DLGAP2: variants seen among roughly 807,000 people sequenced by gnomAD.
The protein encoded by DLGAP2 is DLG associated protein 2.
DLGAP2 carries 26 observed loss-of-function variants against 100.3 expected under a neutral mutation model. The observed-to-expected ratio is 0.26, with a 90% confidence interval of 0.19 to 0.36. DLGAP2 has a LOEUF of 0.36. Among genes scored for constraint, DLGAP2 ranks in the 10% least tolerant of loss-of-function variants. DLGAP2 has a pLI of 1.00. For missense variants in DLGAP2, 1,858 were observed against 1,453.2 expected (o/e 1.28, Z -4.53); for synonymous variants, 886 against 630.1 (o/e 1.41, Z -6.08).
intron 4 of DLGAP2, among the ~76,000 whole-genome samples, chr8:1,514,515 G>A (rs759192224): frequency 3.3e-5 from 5 of 152,230 alleles, no homozygotes; most frequent in Non-Finnish European, 5.9e-5. Flanking sequence ...TATGAATAGC[G>A]TTAATATTTC....
At chr8:1,360,368 T>C (rs1293512691) in intron 3 of DLGAP2, among the ~76,000 whole-genome samples, 2 of 151,964 alleles carry the variant, frequency 1.3e-5, no homozygotes, top group East Asian at 3.9e-4. Context: ...AGGGTGCAGC[T>C]AGAGGCTTTG....
intron 1 of DLGAP2, among the ~76,000 whole-genome samples, chr8:774,575 A>T (rs1388789758): frequency 6.7e-6 from 1 of 149,566 alleles, no homozygotes; most frequent in East Asian, 2.0e-4. Context: ...ATGGCTAGCC[A>T]GTTTTCCCAG....
At chr8:822,174 C>G in intron 1 of DLGAP2, 1 of 399,610 alleles carries the variant, frequency 2.5e-6, no homozygotes, top group Non-Finnish European at 4.4e-6. Flanking sequence ...CCCAGCCCAG[C>G]CACAATGGGG....
intron 2 of DLGAP2, among the ~76,000 whole-genome samples, chr8:941,563 C>G (rs1201421750): frequency 6.6e-6 from 1 of 152,196 alleles, no homozygotes; most frequent in Non-Finnish European, 1.5e-5. Flanking sequence ...GCTCCCCTTT[C>G]TCCACAGGCG....
At chr8:1,329,062 TGCGACAG>T (rs1011260135) in intron 3 of DLGAP2, among the ~76,000 whole-genome samples, 19 of 152,012 alleles carry the variant, frequency 1.2e-4, no homozygotes, top group Non-Finnish European at 2.2e-4. Flanking sequence ...TTGGCTAAAC[TGCGACAG>T]GCGACAGGTG....
intron 1 of DLGAP2, among the ~76,000 whole-genome samples, chr8:864,011 C>T (rs1797443729): frequency 6.6e-6 from 1 of 152,194 alleles, no homozygotes; most frequent in Admixed American, 6.5e-5. Context: ...GGATATGACT[C>T]AGCCATCAAA....
chr8:1,632,032 A>G (rs1016180848), intron 7 of DLGAP2, among the ~76,000 whole-genome samples: 2 of 151,814 alleles, frequency 1.3e-5, no homozygotes, highest in Non-Finnish European at 2.9e-5. Flanking sequence ...ACACATCCCC[A>G]GGAGAAACAA....
intron 4 of DLGAP2, among the ~76,000 whole-genome samples, chr8:1,504,145 C>T (rs1432084451): frequency 2.0e-5 from 3 of 151,256 alleles, no homozygotes; most frequent in African/African-American, 7.4e-5. Flanking sequence ...CAGGCCCCAC[C>T]TGATGTATTT....
chr8:1,623,120 A>G (rs1797390481), intron 6 of DLGAP2, among the ~76,000 whole-genome samples: 1 of 152,154 alleles, frequency 6.6e-6, no homozygotes, highest in Non-Finnish European at 1.5e-5. Flanking sequence ...TTTATTTGTT[A>G]TTTTTTAACT....
At chr8:1,700,658 C>A (rs909923931) in intron 14 of DLGAP2, among the ~76,000 whole-genome samples, 1 of 152,122 alleles carries the variant, frequency 6.6e-6, no homozygotes. Context: ...AAATATCGTC[C>A]ACGTCAATGG....
chr8:1,171,941 T>G (rs979938880), intron 2 of DLGAP2, among the ~76,000 whole-genome samples: 2 of 152,200 alleles, frequency 1.3e-5, no homozygotes, highest in Non-Finnish European at 2.9e-5. Context: ...GTTAGCTGTT[T>G]ATTTTGCTCG....
chr8:1,116,289 C>T (rs908858031), intron 2 of DLGAP2, among the ~76,000 whole-genome samples: 5 of 152,166 alleles, frequency 3.3e-5, no homozygotes, highest in African/African-American at 1.2e-4. Flanking sequence ...GGTTACCGAC[C>T]ACCCTCCAAA....
At chr8:926,066 G>C (rs1022334207) in intron 2 of DLGAP2, among the ~76,000 whole-genome samples, 10 of 152,130 alleles carry the variant, frequency 6.6e-5, no homozygotes, top group Non-Finnish European at 5.9e-5. Flanking sequence ...TCAATTTTCC[G>C]TGTTCTGACG....
chr8:1,281,202 C>G (rs116286232), intron 3 of DLGAP2, among the ~76,000 whole-genome samples: 2,771 of 152,322 alleles, frequency 0.018, 104 homozygotes, highest in African/African-American at 0.063. Flanking sequence ...ATAGATGTCT[C>G]AGCAGTGCTG....
At chr8:1,543,591 T>C (rs1320087715) in intron 4 of DLGAP2, among the ~76,000 whole-genome samples, 2 of 152,228 alleles carry the variant, frequency 1.3e-5, no homozygotes, top group African/African-American at 4.8e-5. Flanking sequence ...ACTTTGTGAC[T>C]CTTGGGATCC....
At chr8:1,645,469 C>G (rs1798019377) in intron 8 of DLGAP2, among the ~76,000 whole-genome samples, 1 of 152,236 alleles carries the variant, frequency 6.6e-6, no homozygotes, top group Non-Finnish European at 1.5e-5. Flanking sequence ...GTGTTTCCCA[C>G]TTACGATGTT....
At chr8:1,329,316 C>T (rs1378675635) in intron 3 of DLGAP2, among the ~76,000 whole-genome samples, 1 of 152,178 alleles carries the variant, frequency 6.6e-6, no homozygotes, top group South Asian at 2.1e-4. Flanking sequence ...TGCTGCATTC[C>T]TGAAATTTCT....
chr8:1,433,955 C>G (rs1797539076), intron 3 of DLGAP2, among the ~76,000 whole-genome samples: 1 of 152,084 alleles, frequency 6.6e-6, no homozygotes, highest in South Asian at 2.1e-4. Flanking sequence ...AAACCACAAG[C>G]CAAGATTCTT....
intron 5 of DLGAP2, among the ~76,000 whole-genome samples, chr8:1,560,905 C>T (rs75863979): frequency 9.8e-5 from 15 of 152,310 alleles, no homozygotes; most frequent in East Asian, 1.9e-4. Flanking sequence ...TGCAGCTCTG[C>T]GGTGTCATCT....
Sources: allele counts gnomAD v4.1 joint callset (sites outside exome capture counted in the v4.1 genomes callset), GRCh38; gene constraint gnomAD v4.1.1; transcripts MANE v1.5; gene names NCBI Gene and HGNC (gene_info 2026-07-23, HGNC 2026-07-21).